Variants in CLIP2 observed in about 807,000 individuals in gnomAD.
CLIP2 encodes CAP-Gly domain containing linker protein 2.
A neutral mutation model predicts 111.7 loss-of-function variants in CLIP2; 41 were observed. That is an observed-to-expected ratio of 0.37 (90% CI 0.29 to 0.48). CLIP2 has a LOEUF of 0.48. Among genes scored for constraint, CLIP2 ranks in the 20% least tolerant of loss-of-function variants. The pLI is 0.99. For missense variants in CLIP2, 1,160 were observed against 1,422.1 expected, an observed-to-expected ratio of 0.82 and a Z score of 2.96; for synonymous variants, 660 against 644.2, an observed-to-expected ratio of 1.02 and a Z score of -0.37.
chr7:74,310,661 A>G (rs1345398711), intron 1 of CLIP2, among the ~76,000 whole-genome samples: 10 of 151,874 alleles, frequency 6.6e-5, no homozygotes, highest in African/African-American at 2.4e-4. Context: ...CTATGGACAC[A>G]TATTTTTGCT....
chr7:74,394,572 G>A (rs995198538), intron 13 of CLIP2, among the ~76,000 whole-genome samples: 3 of 152,298 alleles, frequency 2.0e-5, no homozygotes, highest in African/African-American at 7.2e-5. Context: ...TTCAACCCGA[G>A]TTAAAGGAAT....
At chr7:74,391,939 G>A (rs782410785) in intron 13 of CLIP2, among the ~76,000 whole-genome samples, 1 of 152,026 alleles carries the variant, frequency 6.6e-6, no homozygotes, top group Admixed American at 6.6e-5. Context: ...TGGCATGGTG[G>A]CTCACACCTG....
chr7:74,368,517 A>AAAAT lies in CLIP2; in HGVS notation c.1380+4226_1380+4229dup, dbSNP rs1175540613. 4.7e-3 allele frequency among the ~76,000 whole-genome samples: 712 copies of AAAAT among 151,408 alleles called. 3 individuals are homozygous for AAAAT. Among genetic ancestry groups the AAAAT allele is most frequent in the Middle Eastern group, 0.024 (7 of 292 alleles). ...AGGCGACAGTGCGAGACTCCATCTC[A>AAAAT]AAATAAATAAATAAATAAATAAATA... On this transcript the variant is annotated intron_variant, in intron 8 of 16. Coordinates refer to ENST00000223398, the MANE Select transcript of CLIP2 (RefSeq NM_003388.5).
chr7:74,358,484 T>C (rs1317288773), intron 6 of CLIP2, among the ~76,000 whole-genome samples: 4 of 152,008 alleles, frequency 2.6e-5, no homozygotes, highest in African/African-American at 7.2e-5. Context: ...TGTGAGCCAC[T>C]GCACTTGGCC....
intron 6 of CLIP2, among the ~76,000 whole-genome samples, chr7:74,359,522 GT>G (rs1393281704): frequency 6.6e-6 from 1 of 150,628 alleles, no homozygotes; most frequent in Non-Finnish European, 1.5e-5. Context: ...CCCAGCTAAT[GT>G]TTTTTGTATT....
At chr7:74,290,571 C>T (rs1290712018) in intron 1 of CLIP2, among the ~76,000 whole-genome samples, 1 of 152,218 alleles carries the variant, frequency 6.6e-6, no homozygotes, top group Non-Finnish European at 1.5e-5. Flanking sequence ...GGGGAAATCA[C>T]CCACCCAGCA....
chr7:74,378,257 C>T (rs1209211600), intron 10 of CLIP2, among the ~76,000 whole-genome samples: 6 of 151,626 alleles, frequency 4.0e-5, no homozygotes, highest in East Asian at 2.0e-4. Flanking sequence ...CCTTCCAAGT[C>T]GCCAGGACCA....
chr7:74,376,801 G>A lies in CLIP2; in HGVS notation c.2400G>A (p.Leu800=). Residue 800 remains leucine, a synonymous_variant, in exon 10 of 17, where the codon CTG becomes CTA. Coordinates refer to ENST00000223398, the MANE Select transcript of CLIP2 (RefSeq NM_003388.5). The surrounding 1 kb of genome is among the most constrained non-coding windows in gnomAD (Gnocchi z 7.1). ...AENRLQAVEA[L]CSSQHTHMIE... Reference sequence around the variant, plus strand: ...ACAGACTCCAGGCGGTCGAGGCCCTGTGCTCCTCCCAGCACACCCACGTAG... The same window carrying A: ...ACAGACTCCAGGCGGTCGAGGCCCTATGCTCCTCCCAGCACACCCACGTAG... 1 of 1,602,542 alleles carries A rather than the reference G, an allele frequency of 6.2e-7. No homozygotes were observed. The highest frequency in any genetic ancestry group is 8.5e-7 in the Non-Finnish European group (1 of 1,175,362).
intron 3 of CLIP2, among the ~76,000 whole-genome samples, chr7:74,347,417 C>T (rs569545387): frequency 8.6e-5 from 13 of 152,040 alleles, no homozygotes; most frequent in South Asian, 4.1e-4. Flanking sequence ...TACAGGTGCC[C>T]GCCACCACGC....
chr7:74,354,042 T>C (rs1554308050), intron 4 of CLIP2, 38 bp downstream of exon 4: 2 of 1,581,608 alleles, frequency 1.3e-6, no homozygotes, highest in Non-Finnish European at 1.7e-6. Flanking sequence ...GGGAGGGGGC[T>C]CCTCTCCCCA....
intron 14 of CLIP2, among the ~76,000 whole-genome samples, chr7:74,397,820 C>T (rs1584394468): frequency 6.6e-6 from 1 of 151,594 alleles, no homozygotes; most frequent in East Asian, 2.0e-4. Context: ...GCACCCGCCA[C>T]CACGCCTGGC....
At chr7:74,368,545 A>T (rs891503249) in intron 8 of CLIP2, among the ~76,000 whole-genome samples, 57 of 151,020 alleles carry the variant, frequency 3.8e-4, no homozygotes, top group Admixed American at 8.6e-4. Flanking sequence ...AATAAATAAA[A>T]ATAAATAAAA....
chr7:74,320,213 A>T (rs73131353), intron 2 of CLIP2, among the ~76,000 whole-genome samples: 1 of 132,454 alleles, frequency 7.5e-6, no homozygotes, highest in Non-Finnish European at 1.6e-5. Flanking sequence ...AAAAAAAAAA[A>T]AAAGAAAGAA....
chr7:74,364,141 G>A (rs1554310320), intron 7 of CLIP2, 114 bp from the exon 8 acceptor site: 7 of 889,596 alleles, frequency 7.9e-6, no homozygotes, highest in African/African-American at 3.3e-5. Context: ...TGATGGCCTC[G>A]CCTCTGGATT....
rs556597244 is a variant in CLIP2, at chr7:74,330,458, T to C, written c.122-7990T>C. Among the ~76,000 whole-genome samples the C allele has an allele frequency of 5.3e-4, 80 of 152,102 alleles. No homozygotes were observed. The South Asian group carries it at 0.016, about 30-fold the overall frequency. On this transcript the variant is annotated intron_variant, in intron 2 of 16. Coordinates refer to ENST00000223398, the MANE Select transcript of CLIP2 (RefSeq NM_003388.5). ...TTTTAGTAGAGATGGGGTTTCGCCA[T>C]GTTGGCCAGGCTGGTCTCGAGCTTC...
At position 74,320,120 on chromosome 7, in the gene CLIP2, C is replaced by T. The variant is rs1359552757; in HGVS notation, c.121+2453C>T. Reference sequence around the variant, plus strand: ...CTGAGGCAGGAGAATTGCTTGAACCCGGGAGGCGGAGTTTGCAGTGAACTG... The same window carrying T: ...CTGAGGCAGGAGAATTGCTTGAACCTGGGAGGCGGAGTTTGCAGTGAACTG... On this transcript the variant is annotated intron_variant, in intron 2 of 16. Coordinates refer to ENST00000223398, the MANE Select transcript of CLIP2 (RefSeq NM_003388.5). 3.4e-5 allele frequency among the ~76,000 whole-genome samples: 5 copies of T among 147,780 alleles called. No homozygotes were observed. In the East Asian group the frequency reaches 6.0e-4, roughly 18 times the overall value.
intron 1 of CLIP2, among the ~76,000 whole-genome samples, chr7:74,308,987 C>T (rs1788567359): frequency 6.6e-6 from 1 of 152,090 alleles, no homozygotes; most frequent in African/African-American, 2.4e-5. Context: ...CTCACCTTAG[C>T]CTCCCCAGTA....
At chr7:74,364,043 C>T (rs1203163808) in intron 7 of CLIP2, among the ~76,000 whole-genome samples, 4 of 152,206 alleles carry the variant, frequency 2.6e-5, no homozygotes, top group Non-Finnish European at 5.9e-5. Context: ...GCCTTAAACA[C>T]TGCCATTCTG....
intron 1 of CLIP2, among the ~76,000 whole-genome samples, chr7:74,309,548 C>T (rs969142067): frequency 6.6e-6 from 1 of 151,998 alleles, no homozygotes; most frequent in East Asian, 1.9e-4. Context: ...GTTTCTTCTA[C>T]TTAGCAAAAT....
Sources: gnomAD v4.1 joint callset for allele counts (sites outside exome capture counted in the v4.1 genomes callset) on GRCh38, gnomAD v4.1.1 for gene constraint, Gnocchi (gnomAD v3.1) non-coding constraint, MANE v1.5 for transcripts, NCBI Gene and HGNC (gene_info 2026-07-23, HGNC 2026-07-21) for gene names.